Variants in CP observed in about 807,000 individuals in gnomAD.
The protein encoded by CP is ceruloplasmin, also known as caeruloplasmin.
CP carries 64 observed loss-of-function variants against 122.4 expected under a neutral mutation model. The observed-to-expected ratio is 0.52, with a 90% CI of 0.43 to 0.64. The LOEUF (loss-of-function observed/expected upper bound fraction) is 0.64, where lower values mean the gene tolerates loss of function less well. Ranked by LOEUF, CP falls within the 30% of genes least tolerant of loss-of-function variation. CP has a pLI of 0.00. For synonymous variants in CP, 440 were observed against 436.4 expected (o/e 1.01, Z -0.10); for missense variants, 1,167 against 1,284.4 (o/e 0.91, Z 1.40).
chr3:149,182,045 C>T lies in CP; in HGVS notation c.2514G>A (p.Gly838=), dbSNP rs1238808502. ...ATRPYSIHAH[G]VQTESSTVTP... ...TAACTGTAGAACTCTCTGTTTGTAC[C>T]CCATGGGCATGTATTGAGTAGGGCC... Residue 838 remains glycine, a synonymous_variant, in exon 14 of 19, where the codon GGG becomes GGA. Transcript: ENST00000264613. 3 of 1,535,660 alleles carry T rather than the reference C, an allele frequency of 2.0e-6. No homozygotes were observed. The highest frequency in any genetic ancestry group is 1.1e-5 in the South Asian group (1 of 89,948).
intron 8 of CP, among the ~76,000 whole-genome samples, chr3:149,199,378 T>C (rs1727140202): frequency 6.6e-6 from 1 of 152,182 alleles, no homozygotes; most frequent in Non-Finnish European, 1.5e-5. Context: ...TTCTATATTT[T>C]TCAAATATTC....
intron 9 of CP, among the ~76,000 whole-genome samples, chr3:149,193,324 T>TA: frequency 6.6e-6 from 1 of 152,224 alleles, no homozygotes; most frequent in African/African-American, 2.4e-5. Flanking sequence ...TTCATAATTG[T>TA]AAAAAATTGC....
At chr3:149,178,300 G>A in intron 16 of CP, 115 bp downstream of exon 16, 13 of 797,544 alleles carry the variant, frequency 1.6e-5, no homozygotes, top group Non-Finnish European at 2.4e-5. Flanking sequence ...CATACAAAGT[G>A]AGGCAGAAGT....
At position 149,186,434 on chromosome 3, in the gene CP, T is replaced by G. The variant is rs1242533877; in HGVS notation, c.2077+86A>C. ...TCAGAGGCTTGGGGAAGGGATAAGT[T>G]TATCACCCAACACATTCTGCTACAG... On this transcript the variant is annotated intron_variant, in intron 11 of 18. Transcript: ENST00000264613. 1.0e-5 allele frequency: 13 copies of G among 1,303,710 alleles called. No homozygotes were observed. The East Asian group carries it at 1.9e-4, about 19-fold the overall frequency. 80.8% of individuals were successfully genotyped at this position (1,303,710 alleles called of 1,614,324 possible). A position where few individuals can be genotyped will look rare whatever the true frequency, so the allele number is the denominator to read the frequency against.
intron 12 of CP, 41 bp from the exon 13 acceptor site, chr3:149,183,646 G>A (rs771903107): frequency 1.4e-6 from 2 of 1,391,942 alleles, no homozygotes; most frequent in Non-Finnish European, 2.0e-6. Flanking sequence ...TTGTCTTAAT[G>A]AAAATGTAAC....
chr3:149,218,363 T>C (rs2108315314), intron 1 of CP, among the ~76,000 whole-genome samples: 1 of 152,330 alleles, frequency 6.6e-6, no homozygotes, highest in African/African-American at 2.4e-5. Flanking sequence ...AACTACTTAC[T>C]GATGTGTTGA....
chr3:149,206,080 A>C (rs1055280243), intron 6 of CP, 88 bp downstream of exon 6: 10 of 1,275,470 alleles, frequency 7.8e-6, no homozygotes, highest in Non-Finnish European at 1.1e-5. Flanking sequence ...GATACCAATT[A>C]AAATTTTAAT....
At position 149,167,179 on chromosome 3, in the gene CP, TA is replaced by T. The variant is rs1724509208; in HGVS notation, c.587-1130del. On this transcript the variant is annotated intron_variant, in intron 4 of 5. Transcript: ENST00000479771. Reference sequence around the variant, plus strand: ...TATGAACAGTGCATAGACATACTGTTAGAGAGATGCCCGGAGGCAGTCATTC... The same window carrying T: ...TATGAACAGTGCATAGACATACTGTTGAGAGATGCCCGGAGGCAGTCATTC... 6.2e-7 allele frequency: 1 copy of T among 1,613,994 alleles called. No homozygotes were observed. Among genetic ancestry groups the T allele is most frequent in the Non-Finnish European group, 8.5e-7 (1 of 1,179,890 alleles).
Position 149,202,174 on chromosome 3 carries a change from G to C in CP, c.1276C>G (p.Arg426Gly). The change falls in exon 7 of 19, where the codon CGT becomes GGT. Residue 426 changes from arginine to glycine, a missense_variant. This residue lies in a region of CP where 642 missense variants were observed against 627.3 expected (regional missense o/e 1.02). Coordinates refer to ENST00000264613, the MANE Select transcript of CP (RefSeq NM_000096.4). ...IGGSYKKLVYREYTDASFTNR... is the reference protein window; with the variant it reads ...IGGSYKKLVYGEYTDASFTNR... ...GTGAAGGAGGCATCTGTGTACTCAC[G>C]ATAAACCAGCTTTTTATAAGAGCCT... 1 of 1,614,114 alleles carries C rather than the reference G, an allele frequency of 6.2e-7. No homozygotes were observed. The highest frequency in any genetic ancestry group is 8.5e-7 in the Non-Finnish European group (1 of 1,180,030).
intron 4 of CP, chr3:149,167,016 T>G: frequency 3.1e-6 from 5 of 1,591,430 alleles, no homozygotes; most frequent in Non-Finnish European, 4.3e-6. Context: ...TCATAACATT[T>G]CACTTTTCTG....
At chr3:149,177,469 T>G (rs1249796643) in intron 17 of CP, among the ~76,000 whole-genome samples, 2 of 152,208 alleles carry the variant, frequency 1.3e-5, no homozygotes, top group African/African-American at 4.8e-5. Flanking sequence ...CCAAAATCCA[T>G]GGATGCTCAA....
In CP at chr3:149,206,174, G is replaced by C; in HGVS notation, c.1202C>G (p.Pro401Arg). The C allele has an allele frequency of 6.2e-7, 1 of 1,613,734 alleles. No individual in the cohort carries two copies. The highest frequency in any genetic ancestry group is 8.5e-7 in the Non-Finnish European group (1 of 1,179,712). Reference sequence around the variant, plus strand: ...CTCTTTTTTTGTAAATTACCTTCCAGGTGCTGTTAAGTTTTCTTTAGTGAA... The same window carrying C: ...CTCTTTTTTTGTAAATTACCTTCCACGTGCTGTTAAGTTTTCTTTAGTGAA... ...DIFTKENLTAPGSDSAVFFEQ... is the reference protein window; with the variant it reads ...DIFTKENLTARGSDSAVFFEQ... The change falls in exon 6 of 19, where the codon CCT (proline) becomes CGT (arginine). Residue 401 changes from proline to arginine, a missense_variant. Transcript: ENST00000264613.
At chr3:149,162,924 A>G in intron 5 of CP, 2 of 1,433,630 alleles carry the variant, frequency 1.4e-6, no homozygotes, top group Non-Finnish European at 2.0e-6. Context: ...TGCATTGCCC[A>G]TTACAAAAAC....
intron 14 of CP, among the ~76,000 whole-genome samples, chr3:149,181,006 G>A (rs1455629008): frequency 5.1e-5 from 5 of 98,842 alleles, no homozygotes; most frequent in Non-Finnish European, 6.7e-5. Context: ...TCCAAATCTC[G>A]ATGATGATGA....
At position 149,199,863 on chromosome 3, in the gene CP, A is replaced by G. The variant is rs886044655; in HGVS notation, c.1350T>C (p.Gly450=). 6.2e-7 allele frequency: 1 copy of G among 1,613,830 alleles called. No homozygotes were observed. The highest frequency in any genetic ancestry group is 8.5e-7 in the Non-Finnish European group (1 of 1,179,870). The change falls in exon 8 of 19, where the codon GGT becomes GGC. Residue 450 remains glycine, a splice_region_variant and synonymous_variant. Transcript: ENST00000264613. The stretch of plus-strand genomic sequence containing the variant: ...CTCCCACCTCTGCCCAAATGACAGG[A>G]CCTGGGAACAAAGAGAGAATTATTA... ...GPEEEHLGIL[G]PVIWAEVGDT...
In CP at chr3:149,221,650, T is replaced by A. The variant is rs758712586; in HGVS notation, c.143A>T (p.Asp48Val). 6.2e-6 allele frequency: 10 copies of A among 1,612,026 alleles called. No individual in the cohort carries two copies. Among genetic ancestry groups the A allele is most frequent in the Non-Finnish European group, 7.6e-6 (9 of 1,179,420 alleles). The change falls in exon 1 of 19, where the codon GAC (aspartate) becomes GTC (valine). Residue 48 changes from aspartate (D) to valine (V), a missense_variant. Physicochemically the swap from Asp to Val is radical, Grantham distance 152. Transcript: ENST00000264613. ...DHGEKKLISV[D>V]TEHSNIYLQN... ...AACAATAAAAATAGTGACTTACGTG[T>A]CAACAGAAATAAGTTTCTTTTCCCC... is the stretch of plus-strand genomic sequence containing the variant.
chr3:149,175,948 T>A (rs1725389344), intron 18 of CP: 1 of 306,894 alleles, frequency 3.3e-6, no homozygotes, highest in Non-Finnish European at 6.1e-6. Flanking sequence ...TAAATAATGG[T>A]TTGTTTCTTG....
chr3:149,210,434 G>A (rs547892328), intron 2 of CP, 55 bp from the exon 3 acceptor site: 2 of 1,402,642 alleles, frequency 1.4e-6, no homozygotes, highest in South Asian at 1.2e-5. Flanking sequence ...ACTTAAATGA[G>A]AGAATAGATA....
chr3:149,172,288 T>G, downstream of CP: 1 of 1,344,872 alleles, frequency 7.4e-7, no homozygotes, highest in South Asian at 1.2e-5. Context: ...AATGCCAAAG[T>G]ACAAGTAGAG....
Sources: gnomAD v4.1 joint callset for allele counts (sites outside exome capture counted in the v4.1 genomes callset) on GRCh38, gnomAD v4.1.1 for gene constraint, gnomAD v4.1.1 regional missense constraint, MANE v1.5 for transcripts, NCBI Gene and HGNC (gene_info 2026-07-23, HGNC 2026-07-21) for gene names.